NOS1: variants seen among roughly 807,000 people sequenced by gnomAD.
NOS1 encodes nitric oxide synthase 1, also known as NOS type I.
In NOS1, 51 loss-of-function variants were observed where a neutral mutation model predicts 164.5. That is an observed-to-expected ratio of 0.31 (90% CI 0.25 to 0.39). The LOEUF (loss-of-function observed/expected upper bound fraction) is 0.39. Ranked by LOEUF, NOS1 falls within the 10% of genes least tolerant of loss-of-function variation. The probability of loss-of-function intolerance (pLI) is 1.00; values close to 1 mark genes in which losing one functional copy is unlikely to be tolerated. For missense variants in NOS1, 1,362 were observed against 1,885.6 expected, an observed-to-expected ratio of 0.72 and a Z score of 5.14; for synonymous variants, 719 against 745.8, an observed-to-expected ratio of 0.96 and a Z score of 0.59.
Position 117,208,783 on chromosome 12 carries a change from T to C in NOS1, c.*6526A>G, listed in dbSNP as rs1204331298. 10 of 955,728 alleles carry C rather than the reference T, an allele frequency of 1.0e-5. No homozygotes were observed. The highest frequency in any genetic ancestry group is 1.8e-5 in the African/African-American group (1 of 54,556). The allele number at this position is 955,728 out of a possible 1,614,324, so 59.2% of individuals were successfully genotyped here. A position where few individuals can be genotyped will look rare whatever the true frequency, so the allele number is the denominator to read the frequency against. On this transcript the variant is annotated 3_prime_UTR_variant, in exon 29 of 29. Coordinates refer to ENST00000317775, the MANE Select transcript of NOS1 (RefSeq NM_000620.5). ...CTGTCAACAAGCTGGAGTGCAGTGG[T>C]GCCATCTCGGCTCACTGCAGCCTCT...
intron 1 of NOS1, among the ~76,000 whole-genome samples, chr12:117,339,485 A>C (rs1020171301): frequency 6.6e-6 from 1 of 152,224 alleles, no homozygotes; most frequent in Non-Finnish European, 1.5e-5. Flanking sequence ...CTCCAAATTT[A>C]AAATACATAT....
At chr12:117,281,519 CAAAAAAA>C (rs56248436) in intron 7 of NOS1, among the ~76,000 whole-genome samples, 1 of 50,852 alleles carries the variant, frequency 2.0e-5, no homozygotes, top group Non-Finnish European at 3.2e-5. Context: ...GACTCCATCT[CAAAAAAA>C]AAAAAAAAAA....
At chr12:117,321,265 C>T (rs1387626811) in intron 2 of NOS1, among the ~76,000 whole-genome samples, 1 of 152,220 alleles carries the variant, frequency 6.6e-6, no homozygotes, top group South Asian at 2.1e-4. Context: ...CCGCCTCGGC[C>T]TCCCAAAGTG....
intron 9 of NOS1, among the ~76,000 whole-genome samples, chr12:117,275,005 T>C (rs1267534417): frequency 6.6e-6 from 1 of 152,054 alleles, no homozygotes; most frequent in Non-Finnish European, 1.5e-5. Context: ...ATTGTATATT[T>C]CAAAATAACT....
At chr12:117,240,045 A>G (rs1870044325) in intron 20 of NOS1, among the ~76,000 whole-genome samples, 1 of 152,196 alleles carries the variant, frequency 6.6e-6, no homozygotes, top group Admixed American at 6.5e-5. Flanking sequence ...CTACTTATGT[A>G]CTATGGCTTT....
At chr12:117,233,978 T>A (rs527597310) in intron 21 of NOS1, among the ~76,000 whole-genome samples, 18 of 152,296 alleles carry the variant, frequency 1.2e-4, no homozygotes, top group Admixed American at 9.8e-4. Flanking sequence ...GTAAGCTCAC[T>A]GCAGTTCCTT....
chr12:117,322,143 TC>T (rs1874973242), intron 2 of NOS1, among the ~76,000 whole-genome samples: 1 of 133,452 alleles, frequency 7.5e-6, no homozygotes, highest in African/African-American at 2.8e-5. Flanking sequence ...CCTCTCTTTT[TC>T]CTTCCTTCCC....
chr12:117,305,242 C>T (rs1030707869), intron 3 of NOS1, among the ~76,000 whole-genome samples: 4 of 152,118 alleles, frequency 2.6e-5, no homozygotes, highest in Non-Finnish European at 4.4e-5. Context: ...GCGGGTGGAT[C>T]ACAAGGTCAG....
At chr12:117,231,564 C>T (rs1289110813) in intron 22 of NOS1, among the ~76,000 whole-genome samples, 1 of 151,852 alleles carries the variant, frequency 6.6e-6, no homozygotes, top group Non-Finnish European at 1.5e-5. Flanking sequence ...CAACCAAGTA[C>T]CCATAAAAAT....
In NOS1 at chr12:117,263,088, C is replaced by T. The variant is rs751271207; in HGVS notation, c.2222+801G>A. The stretch of plus-strand genomic sequence containing the variant: ...TGTTGATTCTTTGACAAAGGAATGG[C>T]TGTGAGCTTCATGACAGCAGGGACA... On this transcript the variant is annotated intron_variant, in intron 13 of 28. Transcript: ENST00000317775. Among the ~76,000 whole-genome samples the T allele has an allele frequency of 2.2e-4, 34 of 152,158 alleles. 1 individual carries two copies. The highest frequency in any genetic ancestry group is 5.0e-4 in the Non-Finnish European group (34 of 68,042).
chr12:117,253,896 C>CCTG, intron 16 of NOS1, 142 bp from the exon 17 acceptor site: 2 of 632,228 alleles, frequency 3.2e-6, no homozygotes, highest in South Asian at 2.0e-5. Flanking sequence ...CTCCCATGGC[C>CCTG]TCTTCTATAA....
chr12:117,247,169 A>C (rs1870683230), intron 18 of NOS1, among the ~76,000 whole-genome samples, 179 bp downstream of exon 18: 1 of 152,090 alleles, frequency 6.6e-6, no homozygotes, highest in Non-Finnish European at 1.5e-5. Context: ...TGGGTAGAAA[A>C]TATGTGTTTT....
rs547213477 is a variant in NOS1 at position 117,330,506 on chromosome 12, C to G, written c.564G>C (p.Ala188=). ...GGAGGCTGACTCTGGTTGCTTTCTT[C>G]GCGGGGTCCTGGCCTGGGGGCCTGG... ...LAPRPPGQDP[A]KKATRVSLQG... is the part of the protein sequence containing the mutation. The change falls in exon 2 of 29, where the codon GCG becomes GCC. Residue 188 remains alanine (A), a synonymous_variant. Coordinates refer to ENST00000317775, the MANE Select transcript of NOS1 (RefSeq NM_000620.5). The surrounding 1 kb of genome is among the most constrained non-coding windows in gnomAD (Gnocchi z 4.6). 5.1e-5 allele frequency: 82 copies of G among 1,614,062 alleles called. No individual in the cohort carries two copies. The highest frequency in any genetic ancestry group is 4.5e-4 in the African/African-American group (34 of 75,066).
chr12:117,326,921 A>G (rs1875281372), intron 2 of NOS1, among the ~76,000 whole-genome samples: 1 of 152,096 alleles, frequency 6.6e-6, no homozygotes, highest in African/African-American at 2.4e-5. Context: ...GCTGGGGGAG[A>G]GGATCAAACG....
chr12:117,255,882 G>A (rs1429848247), intron 16 of NOS1: 1 of 1,077,672 alleles, frequency 9.3e-7, no homozygotes, highest in Admixed American at 3.0e-5. Context: ...TCAGGCATTG[G>A]GTGTGCATGC....
At chr12:117,283,929 AG>A (rs1873897687) in intron 7 of NOS1, among the ~76,000 whole-genome samples, 2 of 151,322 alleles carry the variant, frequency 1.3e-5, no homozygotes, top group Non-Finnish European at 2.9e-5. Flanking sequence ...AATCTCGACC[AG>A]GTCCGGATAC....
At chr12:117,308,759 G>C (rs1874282992) in intron 3 of NOS1, among the ~76,000 whole-genome samples, 2 of 151,994 alleles carry the variant, frequency 1.3e-5, no homozygotes, top group South Asian at 4.1e-4. Flanking sequence ...ACCATGCCCA[G>C]CTAATTTTTG....
intron 28 of NOS1, among the ~76,000 whole-genome samples, chr12:117,217,745 C>T (rs1370712833): frequency 2.0e-5 from 3 of 151,680 alleles, no homozygotes; most frequent in Non-Finnish European, 2.9e-5. Context: ...GCCATCATTA[C>T]ACTAGGGGGT....
At chr12:117,302,298 T>C (rs1367111062) in intron 3 of NOS1, among the ~76,000 whole-genome samples, 1 of 152,180 alleles carries the variant, frequency 6.6e-6, no homozygotes, top group Non-Finnish European at 1.5e-5. Context: ...ACAGATGCTA[T>C]TAATAATTAG....
Sources: gnomAD v4.1 joint callset for allele counts (sites outside exome capture counted in the v4.1 genomes callset) on GRCh38, gnomAD v4.1.1 for gene constraint, Gnocchi (gnomAD v3.1) non-coding constraint, MANE v1.5 for transcripts, NCBI Gene and HGNC (gene_info 2026-07-23, HGNC 2026-07-21) for gene names.